Variants in ANGPT1 observed in about 807,000 individuals in gnomAD.
The protein encoded by ANGPT1 is angiopoietin-1.
A neutral mutation model predicts 62.2 loss-of-function variants in ANGPT1; 17 were observed. The observed-to-expected ratio is 0.27, with a 90% CI of 0.19 to 0.41. The LOEUF is 0.41. Among genes scored for constraint, ANGPT1 ranks in the 10% least tolerant of loss-of-function variants. The pLI, the probability that ANGPT1 is intolerant of heterozygous loss-of-function variation, is 1.00. For missense variants in ANGPT1, 478 were observed against 594.9 expected, an observed-to-expected ratio of 0.80 and a Z score of 2.04; for synonymous variants, 199 against 198.9, an observed-to-expected ratio of 1.00 and a Z score of 0.00.
rs73699709 is a variant in ANGPT1 at position 107,459,016 on chromosome 8, G to A, written c.297+38246C>T. ...GTGACGCCATCTTAAGACAACCTGA[G>A]CATCGTCCCGCAACTTTCTATTTCT... On this transcript the variant is annotated intron_variant, in intron 1 of 8. Transcript: ENST00000517746. Among the ~76,000 whole-genome samples, 1,287 of 152,114 alleles carry A rather than the reference G, an allele frequency of 8.5e-3. 15 individuals are homozygous for A. Among genetic ancestry groups the A allele is most frequent in the African/African-American group, 0.029 (1,222 of 41,508 alleles).
intron 1 of ANGPT1, among the ~76,000 whole-genome samples, chr8:107,421,320 T>C (rs72674308): frequency 0.019 from 2,917 of 152,248 alleles, 37 homozygotes; most frequent in Non-Finnish European, 0.028. Flanking sequence ...ACAGTTTGCA[T>C]GGAAATCTGC....
chr8:107,321,477 A>G (rs776004559), intron 4 of ANGPT1, among the ~76,000 whole-genome samples: 1 of 152,198 alleles, frequency 6.6e-6, no homozygotes, highest in Non-Finnish European at 1.5e-5. Context: ...TTTAAAAGGA[A>G]ATAATAAATA....
intron 1 of ANGPT1, among the ~76,000 whole-genome samples, chr8:107,396,681 T>C (rs908490316): frequency 6.6e-6 from 1 of 151,870 alleles, no homozygotes; most frequent in African/African-American, 2.4e-5. Context: ...TCACCATGCC[T>C]GGCTAATTTT....
intron 6 of ANGPT1, among the ~76,000 whole-genome samples, chr8:107,287,147 GA>G (rs1474935900): frequency 2.0e-5 from 3 of 152,118 alleles, no homozygotes; most frequent in African/African-American, 7.2e-5. Context: ...TGTGAATAAA[GA>G]GGCTGGGAAT....
intron 1 of ANGPT1, among the ~76,000 whole-genome samples, chr8:107,459,528 C>CA (rs1272204543): frequency 2.1e-5 from 3 of 140,346 alleles, no homozygotes; most frequent in Non-Finnish European, 3.1e-5. Flanking sequence ...ACAACAACAA[C>CA]AAAACAAGTA....
At chr8:107,443,978 T>C (rs912512307) in intron 1 of ANGPT1, among the ~76,000 whole-genome samples, 3 of 152,232 alleles carry the variant, frequency 2.0e-5, no homozygotes, top group African/African-American at 7.2e-5. Context: ...AGATTCATAC[T>C]ATTTGGTATG....
chr8:107,297,284 A>G (rs1814438861), intron 5 of ANGPT1, among the ~76,000 whole-genome samples: 2 of 152,022 alleles, frequency 1.3e-5, no homozygotes, highest in Admixed American at 6.6e-5. Context: ...GGCACAATGG[A>G]GCTGAATGAC....
At chr8:107,324,001 G>A (rs1280042611) in intron 3 of ANGPT1, among the ~76,000 whole-genome samples, 3 of 151,740 alleles carry the variant, frequency 2.0e-5, no homozygotes, top group East Asian at 1.9e-4. Context: ...GGATGGTCTC[G>A]ATCTCCTGAC....
Position 107,356,545 on chromosome 8 carries a change from T to C in ANGPT1, c.298-9448A>G, listed in dbSNP as rs1816050600. ...GAGGGCATACATTTCTTTTGTCTCC[T>C]TTAATATAAAAAAAAATAGCCTTAT... On this transcript the variant is annotated intron_variant, in intron 1 of 8. Transcript: ENST00000517746. Among the ~76,000 whole-genome samples, 3 of 152,250 alleles carry C rather than the reference T, an allele frequency of 2.0e-5. No individual in the cohort carries two copies. In the South Asian group the frequency reaches 6.2e-4, roughly 32 times the overall value.
rs71562147 is a variant in ANGPT1 at position 107,481,532 on chromosome 8, C to CAAAAAAAAAA, written c.297+15720_297+15729dup. On this transcript the variant is annotated intron_variant, in intron 1 of 8. Coordinates refer to ENST00000517746, the MANE Select transcript of ANGPT1 (RefSeq NM_001146.5). ...CTGGCAACAAAGCAAGACTCTGTCT[C>CAAAAAAAAAA]AAAAAAAAAAAAAAAAAAAAAAAAG... 4.0e-4 allele frequency among the ~76,000 whole-genome samples: 26 copies of CAAAAAAAAAA among 64,316 alleles called. 1 individual carries two copies. Among genetic ancestry groups the CAAAAAAAAAA allele is most frequent in the African/African-American group, 1.6e-3 (25 of 15,200 alleles). 42.2% of individuals were successfully genotyped at this position (64,316 alleles called of 152,430 possible).
intron 1 of ANGPT1, among the ~76,000 whole-genome samples, chr8:107,442,466 T>C (rs1474927963): frequency 1.3e-5 from 2 of 152,186 alleles, no homozygotes; most frequent in Non-Finnish European, 2.9e-5. Flanking sequence ...ACATCTGCCT[T>C]GTGTAGCTCC....
At chr8:107,487,368 C>T (rs575821460) in intron 1 of ANGPT1, among the ~76,000 whole-genome samples, 74 of 152,184 alleles carry the variant, frequency 4.9e-4, no homozygotes, top group Non-Finnish European at 9.3e-4. Context: ...TCTCAGAAGT[C>T]TCTAACGTGC....
intron 1 of ANGPT1, among the ~76,000 whole-genome samples, chr8:107,481,575 C>T (rs180988879): frequency 2.2e-5 from 3 of 136,948 alleles, no homozygotes; most frequent in African/African-American, 8.2e-5. Context: ...AAAAGAAAAT[C>T]TGTAAAAGGT....
At position 107,493,459 on chromosome 8, in the gene ANGPT1, T is replaced by A. The variant is rs1235431962; in HGVS notation, c.297+3803A>T. On this transcript the variant is annotated intron_variant, in intron 1 of 8. Transcript: ENST00000517746. ...CTAGAGAAGTTTTTGAGATTCTAGA[T>A]TACTGGTTAAATATAATTTGAATAA... Among the ~76,000 whole-genome samples the A allele has an allele frequency of 2.7e-5, 4 of 150,464 alleles. 1 individual carries two copies. Among genetic ancestry groups the A allele is most frequent in the Non-Finnish European group, 4.4e-5 (3 of 67,748 alleles).
At chr8:107,339,715 G>A (rs1401014639) in intron 2 of ANGPT1, among the ~76,000 whole-genome samples, 2 of 152,136 alleles carry the variant, frequency 1.3e-5, no homozygotes, top group Admixed American at 1.3e-4. Context: ...CAGACCCCCT[G>A]GGGGCCTAGG....
chr8:107,496,308 G>GTGC (rs1172467414), intron 1 of ANGPT1, among the ~76,000 whole-genome samples: 1 of 152,154 alleles, frequency 6.6e-6, no homozygotes, highest in African/African-American at 2.4e-5. Flanking sequence ...AAGACAGAAT[G>GTGC]AATTGCAGAA....
In ANGPT1 at chr8:107,291,896, G is replaced by T. The variant is rs1047320171; in HGVS notation, c.1038+2040C>A. 1.1e-4 allele frequency among the ~76,000 whole-genome samples: 16 copies of T among 139,532 alleles called. 1 individual carries two copies. Among genetic ancestry groups the T allele is most frequent in the East Asian group, 2.2e-4 (1 of 4,582 alleles). The allele number at this position is 139,532 out of a possible 152,430, so 91.5% of individuals were successfully genotyped here. A position where few individuals can be genotyped will look rare whatever the true frequency, so the allele number is the denominator to read the frequency against. On this transcript the variant is annotated intron_variant, in intron 6 of 8. Transcript: ENST00000517746. ...CTTTCTATTTCCACTGAAGATGGGG[G>T]GGGGGGGGGGCTTGCCACTTAATAG...
intron 5 of ANGPT1, among the ~76,000 whole-genome samples, chr8:107,299,420 T>TATATATATATATAAAA (rs1342219214): frequency 8.3e-6 from 1 of 120,430 alleles, no homozygotes; most frequent in Non-Finnish European, 1.8e-5. Context: ...TATATATATA[T>TATATATATATATAAAA]AAACATACAT....
chr8:107,369,935 G>A (rs754188779), intron 1 of ANGPT1, among the ~76,000 whole-genome samples: 34 of 151,996 alleles, frequency 2.2e-4, no homozygotes, highest in Non-Finnish European at 2.2e-4. Context: ...CCCAGGAGTT[G>A]AAGATCAGCC....
Sources: allele counts gnomAD v4.1 joint callset (sites outside exome capture counted in the v4.1 genomes callset), GRCh38; gene constraint gnomAD v4.1.1; transcripts MANE v1.5; gene names NCBI Gene and HGNC (gene_info 2026-07-23, HGNC 2026-07-21).